The following C12orf42 variants were observed in gnomAD, a reference collection of about 807,000 sequenced individuals.
The protein encoded by C12orf42 is chromosome 12 open reading frame 42.
In C12orf42, 25 loss-of-function variants were observed where a neutral mutation model predicts 21.6. The ratio of observed to expected loss-of-function variants is 1.16; its 90% CI spans 0.84 to 1.62. The LOEUF (loss-of-function observed/expected upper bound fraction) is 1.62. C12orf42 is among the 40% of genes most tolerant of loss of function. C12orf42 has a pLI of 0.00. For synonymous variants in C12orf42, 174 were observed against 175.0 expected (o/e 0.99, Z 0.05); for missense variants, 483 against 459.3 (o/e 1.05, Z -0.47).
the C12orf42 span, among the ~76,000 whole-genome samples, chr12:103,082,809 T>C: frequency 6.6e-6 from 1 of 152,200 alleles, no homozygotes; most frequent in East Asian, 1.9e-4. Flanking sequence ...ATTCAAGAAG[T>C]AAATAGGTAG....
chr12:103,259,583 T>C (rs2034789978), intron 10 of C12orf42, among the ~76,000 whole-genome samples: 1 of 152,192 alleles, frequency 6.6e-6, no homozygotes, highest in African/African-American at 2.4e-5. Context: ...CTGGCCATCT[T>C]ACCTTAACTT....
chr12:103,105,834 T>TA, the C12orf42 span, among the ~76,000 whole-genome samples: 2 of 152,106 alleles, frequency 1.3e-5, no homozygotes, highest in African/African-American at 4.8e-5. Context: ...CACAGAATGC[T>TA]ACATAGAGGG....
chr12:103,210,797 A>G, the C12orf42 span, among the ~76,000 whole-genome samples: 1 of 151,826 alleles, frequency 6.6e-6, no homozygotes, highest in Admixed American at 6.6e-5. Context: ...AGAAAACACA[A>G]TCTCAATATA....
chr12:103,395,694 C>T (rs948059366), intron 3 of C12orf42, among the ~76,000 whole-genome samples: 6 of 151,994 alleles, frequency 3.9e-5, no homozygotes, highest in African/African-American at 9.7e-5. Flanking sequence ...AAAAATAGTA[C>T]GAAAGCATCT....
At chr12:103,074,313 A>G in the C12orf42 span, among the ~76,000 whole-genome samples, 6 of 152,210 alleles carry the variant, frequency 3.9e-5, no homozygotes, top group African/African-American at 1.4e-4. Flanking sequence ...CATAAAAAAT[A>G]CTTAGGTTAA....
chr12:103,327,915 C>T (rs1333257787), intron 4 of C12orf42, among the ~76,000 whole-genome samples: 1 of 152,142 alleles, frequency 6.6e-6, no homozygotes, highest in Non-Finnish European at 1.5e-5. Flanking sequence ...AACCAGAATC[C>T]AACTCAAATG....
intron 4 of C12orf42, among the ~76,000 whole-genome samples, chr12:103,313,650 G>A (rs1202591388): frequency 6.6e-6 from 1 of 152,184 alleles, no homozygotes; most frequent in African/African-American, 2.4e-5. Context: ...GTTTAGAGCA[G>A]TACCTGCCAC....
chr12:103,500,880 A>T (rs1955702840), upstream of C12orf42, among the ~76,000 whole-genome samples: 1 of 152,256 alleles, frequency 6.6e-6, no homozygotes, highest in Admixed American at 6.5e-5. Flanking sequence ...CCTGTCTTTA[A>T]AAGACAAGAA....
chr12:103,469,683 C>G (rs746572982), intron 2 of C12orf42, among the ~76,000 whole-genome samples: 2 of 152,120 alleles, frequency 1.3e-5, no homozygotes, highest in Non-Finnish European at 2.9e-5. Flanking sequence ...GATAGATTCT[C>G]AGAAGGGATA....
At chr12:103,512,350 T>C in the C12orf42 span, among the ~76,000 whole-genome samples, 22 of 152,276 alleles carry the variant, frequency 1.4e-4, no homozygotes, top group South Asian at 4.6e-3. Flanking sequence ...GATTGGTTAA[T>C]GGGTACAAAC....
the C12orf42 span, chr12:103,162,743 C>G: frequency 6.6e-6 from 1 of 152,120 alleles, no homozygotes; most frequent in Non-Finnish European, 1.5e-5. Flanking sequence ...CTCAAAGCCC[C>G]CACAATATTG....
At chr12:103,505,082 T>C in the C12orf42 span, 1 of 363,730 alleles carries the variant, frequency 2.7e-6, no homozygotes, top group Non-Finnish European at 5.8e-6. Flanking sequence ...AATATCAGAA[T>C]TTCCCTTCTG....
chr12:103,473,639 T>C (rs1235829746), intron 2 of C12orf42, among the ~76,000 whole-genome samples: 1 of 152,240 alleles, frequency 6.6e-6, no homozygotes, highest in Non-Finnish European at 1.5e-5. Flanking sequence ...TTATTTGTTT[T>C]ATGCCTTGCA....
At chr12:103,244,967 TAA>T (rs895916712) in intron 10 of C12orf42, among the ~76,000 whole-genome samples, 2 of 152,050 alleles carry the variant, frequency 1.3e-5, no homozygotes, top group Admixed American at 1.3e-4. Context: ...AGAACATACT[TAA>T]AGAGTCAACA....
chr12:103,223,288 A>T, the C12orf42 span, among the ~76,000 whole-genome samples: 1 of 152,132 alleles, frequency 6.6e-6, no homozygotes, highest in African/African-American at 2.4e-5. Flanking sequence ...GGGAGAGATT[A>T]AGCTGAAGGG....
At chr12:103,501,741 T>G in the C12orf42 span, among the ~76,000 whole-genome samples, 1 of 151,936 alleles carries the variant, frequency 6.6e-6, no homozygotes, top group Non-Finnish European at 1.5e-5. Context: ...AAAGGAGACC[T>G]TTTCCTAATT....
At chr12:103,164,238 C>G in the C12orf42 span, among the ~76,000 whole-genome samples, 1 of 152,208 alleles carries the variant, frequency 6.6e-6, no homozygotes, top group African/African-American at 2.4e-5. Context: ...CAACCCTATT[C>G]GTATCTCCAT....
intron 3 of C12orf42, among the ~76,000 whole-genome samples, chr12:103,372,109 A>G (rs1021533195): frequency 4.6e-5 from 7 of 152,070 alleles, no homozygotes; most frequent in Non-Finnish European, 8.8e-5. Flanking sequence ...AGATCTATGC[A>G]CAGCCGTTTC....
At chr12:103,405,147 G>C (rs1294423935) in intron 2 of C12orf42, among the ~76,000 whole-genome samples, 1 of 152,182 alleles carries the variant, frequency 6.6e-6, no homozygotes, top group African/African-American at 2.4e-5. Flanking sequence ...TATTTAAAAA[G>C]GAGGAGGGAA....
Sources: gnomAD v4.1 joint callset for allele counts (sites outside exome capture counted in the v4.1 genomes callset) on GRCh38, gnomAD v4.1.1 for gene constraint, MANE v1.5 for transcripts, NCBI Gene and HGNC (gene_info 2026-07-23, HGNC 2026-07-21) for gene names.